The following SIPA1L1 variants were observed in gnomAD, a reference collection of about 807,000 sequenced individuals.
The protein encoded by SIPA1L1 is signal induced proliferation associated 1 like 1.
Under a neutral mutation model 162.7 loss-of-function variants are expected in SIPA1L1, and 26 were observed. That is an observed-to-expected ratio of 0.16 (90% confidence interval 0.12 to 0.22). SIPA1L1 has a LOEUF of 0.22. SIPA1L1 is among the 10% of genes least tolerant of loss of function. SIPA1L1 has a pLI of 1.00. For missense variants in SIPA1L1, 1,874 were observed against 2,241.0 expected, an observed-to-expected ratio of 0.84 and a Z score of 3.31; for synonymous variants, 829 against 837.4, an observed-to-expected ratio of 0.99 and a Z score of 0.17.
chr14:71,389,067 AC>A (rs1235107676), intron 2 of SIPA1L1, among the ~76,000 whole-genome samples: 1 of 152,232 alleles, frequency 6.6e-6, no homozygotes. Context: ...GGCATGAGCC[AC>A]CGTGCCTGAC....
At chr14:71,508,925 T>A (rs746462394) in intron 2 of SIPA1L1, among the ~76,000 whole-genome samples, 2 of 152,208 alleles carry the variant, frequency 1.3e-5, no homozygotes, top group Non-Finnish European at 2.9e-5. Flanking sequence ...ATGTAGACTG[T>A]TATTACAGAA....
At chr14:71,660,894 T>A (rs1325886672) in intron 9 of SIPA1L1, among the ~76,000 whole-genome samples, 2 of 152,224 alleles carry the variant, frequency 1.3e-5, no homozygotes, top group African/African-American at 4.8e-5. Flanking sequence ...TTAGCCACAT[T>A]TTCTTTCAAT....
Position 71,663,859 on chromosome 14 carries a change from C to T in SIPA1L1, c.2255+2392C>T, listed in dbSNP as rs200588583. Among the ~76,000 whole-genome samples the T allele has an allele frequency of 9.2e-5, 14 of 152,310 alleles. No individual in the cohort carries two copies. The East Asian group carries it at 2.1e-3, about 23-fold the overall frequency. On this transcript the variant is annotated intron_variant, in intron 10 of 23. Transcript: ENST00000381232. ...GCTTGTTTGAAGGCCCAACACACAG[C>T]TTTTAAGCTGTGAATTTTGGCCTGT...
chr14:71,577,364 A>G (rs189379519), intron 4 of SIPA1L1, among the ~76,000 whole-genome samples: 59 of 151,902 alleles, frequency 3.9e-4, no homozygotes, highest in African/African-American at 1.3e-3. Flanking sequence ...AGAGCCTGCT[A>G]TATAGTGAGC....
intron 5 of SIPA1L1, among the ~76,000 whole-genome samples, chr14:71,590,257 T>C (rs2035213698): frequency 1.3e-5 from 2 of 151,792 alleles, no homozygotes; most frequent in Admixed American, 6.6e-5. Context: ...GTCATCCAGG[T>C]AGACAAACGA....
rs930157855 is a variant in SIPA1L1, at chr14:71,593,751, C to T, written c.1498+4381C>T. ...TCCTTGAATCCTATAGAGAGGAATG[C>T]ATTAATGAAGACAGAGGAGCCCATG... On this transcript the variant is annotated intron_variant, in intron 5 of 23. Transcript: ENST00000381232. Among the ~76,000 whole-genome samples the T allele has an allele frequency of 8.5e-5, 13 of 152,146 alleles. No individual in the cohort carries two copies. The East Asian group carries it at 2.5e-3, about 29-fold the overall frequency.
At chr14:71,726,000 G>T (rs973740158) in intron 19 of SIPA1L1, among the ~76,000 whole-genome samples, 1 of 152,276 alleles carries the variant, frequency 6.6e-6, no homozygotes, top group African/African-American at 2.4e-5. Context: ...TGGGGCTGCC[G>T]CCCTCAGGCT....
At chr14:71,581,659 T>C (rs1048086989) in intron 4 of SIPA1L1, among the ~76,000 whole-genome samples, 12 of 152,228 alleles carry the variant, frequency 7.9e-5, no homozygotes, top group African/African-American at 2.9e-4. Context: ...ATGACAGTTG[T>C]ATTTTATCAT....
At chr14:71,534,457 T>A (rs559062269) in intron 4 of SIPA1L1, among the ~76,000 whole-genome samples, 1 of 152,296 alleles carries the variant, frequency 6.6e-6, no homozygotes, top group South Asian at 2.1e-4. Flanking sequence ...TCTTAATGGG[T>A]AGGAAAATAT....
intron 4 of SIPA1L1, among the ~76,000 whole-genome samples, chr14:71,575,758 T>A (rs1426062328): frequency 1.3e-5 from 2 of 152,218 alleles, no homozygotes; most frequent in Non-Finnish European, 2.9e-5. Flanking sequence ...TTCTTGTTAA[T>A]CTTTTAATAG....
At chr14:71,572,216 A>G (rs374024340) in intron 4 of SIPA1L1, among the ~76,000 whole-genome samples, 1 of 152,188 alleles carries the variant, frequency 6.6e-6, no homozygotes, top group Non-Finnish European at 1.5e-5. Flanking sequence ...GACAGCTCTC[A>G]TAATTCACTC....
intron 4 of SIPA1L1, among the ~76,000 whole-genome samples, chr14:71,583,992 T>C (rs1461320232): frequency 2.6e-5 from 4 of 152,142 alleles, no homozygotes; most frequent in Admixed American, 6.5e-5. Flanking sequence ...CACAGTGATA[T>C]TATTACTCCA....
intron 7 of SIPA1L1, among the ~76,000 whole-genome samples, chr14:71,627,180 A>C: frequency 5.4e-5 from 3 of 55,684 alleles, no homozygotes; most frequent in Non-Finnish European, 9.6e-5. Context: ...TTTTTGAGAC[A>C]GGGTCTCTGT....
intron 3 of SIPA1L1, among the ~76,000 whole-genome samples, chr14:71,525,505 T>A (rs1352895204): frequency 8.5e-5 from 13 of 152,236 alleles, no homozygotes; most frequent in Non-Finnish European, 1.9e-4. Flanking sequence ...ATTTCAATTA[T>A]TTTCACCTTC....
chr14:71,695,531 T>G (rs973515063), intron 13 of SIPA1L1, among the ~76,000 whole-genome samples: 1 of 152,252 alleles, frequency 6.6e-6, no homozygotes, highest in African/African-American at 2.4e-5. Context: ...AATACAAATG[T>G]AAAGGTTACA....
intron 5 of SIPA1L1, among the ~76,000 whole-genome samples, chr14:71,615,942 G>A (rs2038788146): frequency 6.6e-6 from 1 of 152,212 alleles, no homozygotes; most frequent in South Asian, 2.1e-4. Context: ...GTTGCAGTGA[G>A]CCAAGATCAC....
chr14:71,645,366 G>A (rs1191446569), intron 7 of SIPA1L1, among the ~76,000 whole-genome samples: 1 of 152,164 alleles, frequency 6.6e-6, no homozygotes, highest in East Asian at 1.9e-4. Context: ...ACAGGATCTA[G>A]GGATTAGGAA....
At chr14:71,367,763 C>T (rs1351662137) in intron 2 of SIPA1L1, among the ~76,000 whole-genome samples, 3 of 151,510 alleles carry the variant, frequency 2.0e-5, no homozygotes, top group East Asian at 1.9e-4. Context: ...CCCACTACCA[C>T]GTCTGACTAG....
intron 2 of SIPA1L1, among the ~76,000 whole-genome samples, chr14:71,335,646 G>C (rs1327259754): frequency 1.3e-5 from 2 of 152,182 alleles, no homozygotes; most frequent in African/African-American, 4.8e-5. Flanking sequence ...TTTTTCAGGA[G>C]ATATCATGGG....
Sources: gnomAD v4.1 joint callset for allele counts (sites outside exome capture counted in the v4.1 genomes callset) on GRCh38, gnomAD v4.1.1 for gene constraint, MANE v1.5 for transcripts, NCBI Gene and HGNC (gene_info 2026-07-23, HGNC 2026-07-21) for gene names.